The following FCER1A variants were observed in gnomAD, a reference collection of about 807,000 sequenced individuals.
The protein encoded by FCER1A is Fc epsilon receptor Ia.
FCER1A carries 24 observed loss-of-function variants against 23.6 expected under a neutral mutation model. The ratio of observed to expected loss-of-function variants is 1.02; its 90% confidence interval spans 0.74 to 1.43. The LOEUF (loss-of-function observed/expected upper bound fraction) is 1.43. Among genes scored for constraint, FCER1A ranks in the 40% most tolerant of loss-of-function variants. FCER1A has a pLI of 0.00. For synonymous variants in FCER1A, 121 were observed against 108.8 expected (o/e 1.11, Z -0.70); for missense variants, 318 against 294.5 (o/e 1.08, Z -0.58).
upstream of FCER1A, among the ~76,000 whole-genome samples, chr1:159,301,920 A>G (rs1173726396): frequency 1.3e-5 from 2 of 152,236 alleles, no homozygotes; most frequent in African/African-American, 4.8e-5. Context: ...TATGTACTTT[A>G]TAGGATTATT....
upstream of FCER1A, among the ~76,000 whole-genome samples, chr1:159,300,233 T>C (rs1048662524): frequency 6.6e-6 from 1 of 152,100 alleles, no homozygotes; most frequent in Non-Finnish European, 1.5e-5. Context: ...CCCTGCTCCA[T>C]CTCCCATCTA....
chr1:159,285,979 G>A (rs1314730513), upstream of FCER1A, among the ~76,000 whole-genome samples: 2 of 152,110 alleles, frequency 1.3e-5, no homozygotes, highest in East Asian at 1.9e-4. Flanking sequence ...GAGATCAGGA[G>A]TGCAAGACCA....
At chr1:159,285,376 A>T (rs918430431), upstream of FCER1A, among the ~76,000 whole-genome samples, 1 of 152,198 alleles carries the variant, frequency 6.6e-6, no homozygotes, top group Admixed American at 6.5e-5. Context: ...AGTATCATTA[A>T]ATTTGTTATA....
At chr1:159,289,429 A>C (rs1245485963), upstream of FCER1A, among the ~76,000 whole-genome samples, 3 of 152,238 alleles carry the variant, frequency 2.0e-5, no homozygotes, top group Admixed American at 2.0e-4. Flanking sequence ...GCACACTTGT[A>C]GTACAATCTT....
At chr1:159,302,895 C>G in intron 2 of FCER1A, 21 bp downstream of exon 2, 2 of 1,611,660 alleles carry the variant, frequency 1.2e-6, no homozygotes, top group Non-Finnish European at 1.7e-6. Flanking sequence ...TGTTCTTGTT[C>G]CCTTGGTGTT....
chr1:159,288,001 T>C (rs1652059125), upstream of FCER1A, among the ~76,000 whole-genome samples: 1 of 152,062 alleles, frequency 6.6e-6, no homozygotes, highest in Non-Finnish European at 1.5e-5. Context: ...TCAATGAGGA[T>C]GTGATAAGGA....
intron 1 of FCER1A, among the ~76,000 whole-genome samples, chr1:159,290,070 T>G (rs932585179): frequency 6.6e-6 from 1 of 152,202 alleles, no homozygotes; most frequent in Non-Finnish European, 1.5e-5. Context: ...GGAATACCTT[T>G]GTAGGTTCTC....
intron 1 of FCER1A, among the ~76,000 whole-genome samples, chr1:159,293,629 T>C (rs1362915328): frequency 2.1e-5 from 3 of 143,886 alleles, no homozygotes; most frequent in African/African-American, 7.7e-5. Context: ...CATCTATGAG[T>C]GAGAATATGC....
chr1:159,305,661 T>A (rs1652577863), intron 3 of FCER1A, among the ~76,000 whole-genome samples: 1 of 152,160 alleles, frequency 6.6e-6, no homozygotes, highest in Non-Finnish European at 1.5e-5. Flanking sequence ...AAAGACTGTT[T>A]ATTTTCCCCT....
intron 4 of FCER1A, among the ~76,000 whole-genome samples, chr1:159,307,041 G>A (rs1268502705): frequency 1.3e-5 from 2 of 152,122 alleles, no homozygotes; most frequent in African/African-American, 4.8e-5. Context: ...GATTCCATTA[G>A]AATCATTTGA....
At chr1:159,287,263 G>A (rs974512678), upstream of FCER1A, among the ~76,000 whole-genome samples, 11 of 152,142 alleles carry the variant, frequency 7.2e-5, no homozygotes, top group African/African-American at 2.4e-4. Context: ...TGTGACTAAG[G>A]TGGCACAAAG....
Position 159,304,158 on chromosome 1 carries a change from C to T in FCER1A, c.307C>T (p.Pro103Ser). Residue 103 changes from proline (P) to serine (S), a missense_variant, in exon 3 of 5, where the codon CCT (proline) becomes TCT (serine). By Grantham distance (74) the Pro-to-Ser change is moderately conservative. Coordinates refer to ENST00000693622, the MANE Select transcript of FCER1A (RefSeq NM_001387280.1). ...CQHQQVNESE[P>S]VYLEVFSDWL... ...GCACCAACAAGTTAATGAGAGTGAA[C>T]CTGTGTACCTGGAAGTCTTCAGTGG... The T allele has an allele frequency of 1.2e-6, 2 of 1,613,784 alleles. No individual in the cohort carries two copies. The highest frequency in any genetic ancestry group is 2.2e-5 in the South Asian group (2 of 91,074).
At chr1:159,290,683 C>G (rs1210301999) in intron 1 of FCER1A, among the ~76,000 whole-genome samples, 4 of 152,146 alleles carry the variant, frequency 2.6e-5, no homozygotes, top group South Asian at 2.1e-4. Flanking sequence ...GCTGATAGTA[C>G]CTGTTTCATA....
rs1652674572 is a variant in FCER1A at position 159,308,173 on chromosome 1, T to C, written c.*241T>C. The C allele has an allele frequency of 7.6e-6, 3 of 395,532 alleles. No individual in the cohort carries two copies. The highest frequency in any genetic ancestry group is 1.4e-5 in the Non-Finnish European group (3 of 221,490). The allele number at this position is 395,532 out of a possible 1,614,324, so 24.5% of individuals were successfully genotyped here. A position where few individuals can be genotyped will look rare whatever the true frequency, so the allele number is the denominator to read the frequency against. On this transcript the variant is annotated 3_prime_UTR_variant, in exon 5 of 5. Coordinates refer to ENST00000693622, the MANE Select transcript of FCER1A (RefSeq NM_001387280.1). Reference sequence around the variant, plus strand: ...TTTATTAGCATTTGTAAAAGAGATGTTCAATTTCAATAAAATAAATATAAA... The same window carrying C: ...TTTATTAGCATTTGTAAAAGAGATGCTCAATTTCAATAAAATAAATATAAA...
At chr1:159,286,712 T>C (rs1393811109), upstream of FCER1A, among the ~76,000 whole-genome samples, 1 of 152,226 alleles carries the variant, frequency 6.6e-6, no homozygotes, top group African/African-American at 2.4e-5. Flanking sequence ...ATGGAATTAT[T>C]TTATATAGAA....
chr1:159,284,400 C>T, the FCER1A span, among the ~76,000 whole-genome samples: 1 of 152,200 alleles, frequency 6.6e-6, no homozygotes, highest in Non-Finnish European at 1.5e-5. Context: ...TAATTTCTGG[C>T]TCAGCACATC....
At chr1:159,294,899 G>C (rs542558542) in intron 1 of FCER1A, among the ~76,000 whole-genome samples, 45 of 152,212 alleles carry the variant, frequency 3.0e-4, no homozygotes, top group Non-Finnish European at 3.5e-4. Flanking sequence ...GACATAGTTT[G>C]CTCATTCTGA....
upstream of FCER1A, among the ~76,000 whole-genome samples, chr1:159,299,681 C>T (rs1326915719): frequency 6.6e-6 from 1 of 151,998 alleles, no homozygotes; most frequent in Non-Finnish European, 1.5e-5. Flanking sequence ...TTTCAGTGAA[C>T]GTGTGTTCCT....
rs756661811 is a variant in FCER1A, at chr1:159,307,632, C to T, written c.590-116C>T. 72 of 725,944 alleles carry T rather than the reference C, an allele frequency of 9.9e-5. 1 individual carries two copies. Among genetic ancestry groups the T allele is most frequent in the African/African-American group, 1.6e-4 (9 of 57,164 alleles). 45.0% of individuals were successfully genotyped at this position (725,944 alleles called of 1,614,324 possible). ...CTCTGTGCTTCTGGATGCCACATCA[C>T]GCTAAAAATGAAGGACAAAGCTTGG... On this transcript the variant is annotated intron_variant, in intron 4 of 4. Transcript: ENST00000693622.
Sources: allele counts gnomAD v4.1 joint callset (sites outside exome capture counted in the v4.1 genomes callset), GRCh38; gene constraint gnomAD v4.1.1; transcripts MANE v1.5; gene names NCBI Gene and HGNC (gene_info 2026-07-23, HGNC 2026-07-21).